Variants in PCLO observed in about 807,000 individuals in gnomAD.
PCLO encodes the protein protein piccolo.
In PCLO, 82 loss-of-function variants were observed where a neutral mutation model predicts 427.5. The ratio of observed to expected loss-of-function variants is 0.19; its 90% confidence interval spans 0.16 to 0.23. The LOEUF is 0.23. PCLO is among the 10% of genes least tolerant of loss of function. The pLI, the probability that PCLO is intolerant of heterozygous loss-of-function variation, is 1.00. For missense variants in PCLO, 6,239 were observed against 6,115.9 expected, an observed-to-expected ratio of 1.02 and a Z score of -0.67; for synonymous variants, 2,357 against 2,155.4, an observed-to-expected ratio of 1.09 and a Z score of -2.59.
At chr7:82,812,901 T>G (rs772953498) in intron 20 of PCLO, among the ~76,000 whole-genome samples, 1 of 150,824 alleles carries the variant, frequency 6.6e-6, no homozygotes, top group Non-Finnish European at 1.5e-5. Context: ...TATTTCCAAC[T>G]GACAATTGGA....
intron 9 of PCLO, among the ~76,000 whole-genome samples, chr7:82,881,499 T>C (rs1395213130): frequency 2.0e-5 from 3 of 152,190 alleles, no homozygotes; most frequent in Non-Finnish European, 2.9e-5. Context: ...AAAATGCTTT[T>C]GAAATATACT....
At chr7:83,089,168 T>C (rs1455877105) in intron 3 of PCLO, among the ~76,000 whole-genome samples, 2 of 152,028 alleles carry the variant, frequency 1.3e-5, no homozygotes, top group African/African-American at 4.8e-5. Flanking sequence ...TACACACATA[T>C]ATGTTTTAAA....
rs758260337 is a variant in PCLO, at chr7:82,954,018, A to T, written c.6935T>A (p.Ile2312Asn). The T allele has an allele frequency of 1.2e-6, 2 of 1,613,802 alleles. No homozygotes were observed. Among genetic ancestry groups the T allele is most frequent in the Non-Finnish European group, 8.5e-7 (1 of 1,179,872 alleles). ...KKAKKETGNG[I>N]ILEVLEAYRD... Reference sequence around the variant, plus strand: ...GTAAGCTTCCAAAACTTCCAGAATGATTCCATTCCCAGTTTCCTTCTTGGC... The same window carrying T: ...GTAAGCTTCCAAAACTTCCAGAATGTTTCCATTCCCAGTTTCCTTCTTGGC... The change falls in exon 5 of 25, where the codon ATC becomes AAC. Residue 2312 changes from isoleucine to asparagine, a missense_variant. Ile to Asn is a moderately radical substitution (Grantham distance 149). Around this residue, in one of 5 missense-constraint regions of PCLO, gnomAD observed 4,677 missense variants for 4,468.4 expected, o/e 1.05. Coordinates refer to ENST00000333891, the MANE Select transcript of PCLO (RefSeq NM_033026.6).
chr7:82,935,648 T>A (rs960965336), intron 6 of PCLO, among the ~76,000 whole-genome samples: 27 of 151,646 alleles, frequency 1.8e-4, no homozygotes, highest in African/African-American at 6.5e-4. Context: ...AAGCTATCAA[T>A]TATTACATTT....
At chr7:83,108,783 AAG>A (rs36022638) in intron 3 of PCLO, among the ~76,000 whole-genome samples, 78,012 of 151,316 alleles carry the variant, frequency 0.52, 20,661 homozygotes, top group African/African-American at 0.64. Flanking sequence ...CAATTAATGA[AAG>A]AGATTATATT....
chr7:83,152,123 C>T (rs553515932), intron 2 of PCLO, among the ~76,000 whole-genome samples: 1 of 152,088 alleles, frequency 6.6e-6, no homozygotes, highest in African/African-American at 2.4e-5. Context: ...CGCCACCACG[C>T]CCGGCTAATT....
chr7:83,162,766 C>G lies in PCLO; in HGVS notation c.-174G>C. 1.3e-6 allele frequency: 1 copy of G among 790,424 alleles called. No homozygotes were observed. Among genetic ancestry groups the G allele is most frequent in the Non-Finnish European group, 1.9e-6 (1 of 519,536 alleles). 49.0% of individuals were successfully genotyped at this position (790,424 alleles called of 1,614,324 possible). Reference sequence around the variant, plus strand: ...CGGAACGCCAGGCAGGGGTTAGTCCCGCTCGCAGGTAACGCCCGCTGCCGG... The same window carrying G: ...CGGAACGCCAGGCAGGGGTTAGTCCGGCTCGCAGGTAACGCCCGCTGCCGG... On this transcript the variant is annotated 5_prime_UTR_variant, in exon 1 of 25. Transcript: ENST00000333891.
At chr7:83,117,677 C>A (rs117826099) in intron 3 of PCLO, among the ~76,000 whole-genome samples, 1 of 152,240 alleles carries the variant, frequency 6.6e-6, no homozygotes, top group Non-Finnish European at 1.5e-5. Flanking sequence ...ATTGCATCAC[C>A]CCCATGGGAG....
At chr7:83,127,781 C>G (rs967295946) in intron 3 of PCLO, among the ~76,000 whole-genome samples, 2 of 151,956 alleles carry the variant, frequency 1.3e-5, no homozygotes, top group Non-Finnish European at 2.9e-5. Flanking sequence ...GAGAGGTCAG[C>G]AGAAAATATA....
intron 3 of PCLO, among the ~76,000 whole-genome samples, chr7:83,048,673 T>C (rs1054117722): frequency 3.3e-5 from 5 of 152,148 alleles, no homozygotes; most frequent in African/African-American, 9.7e-5. Flanking sequence ...ACTGGCAGAA[T>C]GTATGTAAAG....
At chr7:82,836,575 A>G (rs947490881) in intron 15 of PCLO, among the ~76,000 whole-genome samples, 1 of 152,232 alleles carries the variant, frequency 6.6e-6, no homozygotes, top group African/African-American at 2.4e-5. Context: ...TAGAGCAACC[A>G]TACCAACAAT....
chr7:82,886,538 G>A (rs1388138644), intron 9 of PCLO, among the ~76,000 whole-genome samples: 1 of 152,050 alleles, frequency 6.6e-6, no homozygotes, highest in Non-Finnish European at 1.5e-5. Context: ...TATTTGCTGA[G>A]TCATTTTAGG....
rs766477866 is a variant in PCLO, at chr7:82,956,904, C to G, written c.4049G>C (p.Ser1350Thr). ...TTGGGGGCTTTTAGGCTGCTGAGAA[C>G]TTGAGGTGTCTGATTTGTCATCTTC... ...EKEDDKSDTS[S>T]SQQPKSPQGL... Residue 1350 changes from serine to threonine, a missense_variant, in exon 5 of 25, where the codon AGT (serine) becomes ACT (threonine). By Grantham distance (58) the Ser-to-Thr change is moderately conservative. Coordinates refer to ENST00000333891, the MANE Select transcript of PCLO (RefSeq NM_033026.6). 6.2e-7 allele frequency: 1 copy of G among 1,607,482 alleles called. No individual in the cohort carries two copies. Among genetic ancestry groups the G allele is most frequent in the Non-Finnish European group, 8.5e-7 (1 of 1,177,480 alleles).
At chr7:82,843,248 G>T (rs1334396321) in intron 13 of PCLO, among the ~76,000 whole-genome samples, 2 of 152,156 alleles carry the variant, frequency 1.3e-5, no homozygotes, top group Non-Finnish European at 1.5e-5. Context: ...CCTGTCATTT[G>T]TAACAAGATG....
intron 2 of PCLO, among the ~76,000 whole-genome samples, chr7:83,141,299 T>G (rs920427319): frequency 6.6e-6 from 1 of 152,226 alleles, no homozygotes; most frequent in Non-Finnish European, 1.5e-5. Context: ...TAGATAGATG[T>G]CAAGCCTGAA....
At chr7:82,773,174 T>G (rs758263048) in intron 22 of PCLO, among the ~76,000 whole-genome samples, 2 of 152,206 alleles carry the variant, frequency 1.3e-5, no homozygotes, top group Non-Finnish European at 2.9e-5. Flanking sequence ...TCTGTATATC[T>G]TCTTTAAACT....
At chr7:82,779,130 C>G (rs567075584) in intron 22 of PCLO, among the ~76,000 whole-genome samples, 6 of 151,968 alleles carry the variant, frequency 3.9e-5, no homozygotes, top group Non-Finnish European at 7.4e-5. Context: ...CTTTATCATA[C>G]AGATATTATG....
At chr7:82,822,738 C>G in intron 19 of PCLO, 49 bp from the exon 20 acceptor site, 1 of 1,522,094 alleles carries the variant, frequency 6.6e-7, no homozygotes, top group Non-Finnish European at 9.1e-7. Context: ...CAGCATTCCT[C>G]CTATCAAGCT....
At chr7:82,930,547 A>G (rs190366281) in intron 6 of PCLO, among the ~76,000 whole-genome samples, 10 of 152,188 alleles carry the variant, frequency 6.6e-5, no homozygotes, top group African/African-American at 2.4e-4. Context: ...ATGTTAGCAT[A>G]ACACAAAAAT....
Sources: gnomAD v4.1 joint callset for allele counts (sites outside exome capture counted in the v4.1 genomes callset) on GRCh38, gnomAD v4.1.1 for gene constraint, gnomAD v4.1.1 regional missense constraint, MANE v1.5 for transcripts, NCBI Gene and HGNC (gene_info 2026-07-23, HGNC 2026-07-21) for gene names.